GRM7: variants seen among roughly 807,000 people sequenced by gnomAD.
GRM7 encodes the protein metabotropic glutamate receptor 7.
GRM7 carries 35 observed loss-of-function variants against 84.5 expected under a neutral mutation model. The observed-to-expected ratio is 0.41, with a 90% CI of 0.32 to 0.55. GRM7 has a LOEUF of 0.55. Ranked by LOEUF, GRM7 falls within the 20% of genes least tolerant of loss-of-function variation. The probability of loss-of-function intolerance (pLI) is 0.19; values close to 1 mark genes in which losing one functional copy is unlikely to be tolerated. For missense variants in GRM7, 1,003 were observed against 1,194.6 expected (o/e 0.84, Z 2.36); for synonymous variants, 487 against 455.1 (o/e 1.07, Z -0.89).
intron 1 of GRM7, among the ~76,000 whole-genome samples, chr3:6,934,540 T>C (rs542748735): frequency 5.9e-5 from 9 of 152,234 alleles, no homozygotes; most frequent in African/African-American, 2.2e-4. Context: ...TTAGAATGAG[T>C]GTATATGAGT....
Position 7,348,432 on chromosome 3 carries a change from T to TC in GRM7, c.1033+41781dup, listed in dbSNP as rs1186153417. ...TCACCAGGAAAATTTCTTTTATTTT[T>TC]CTCTCAAGTACCAGTTAAATGCTCA... On this transcript the variant is annotated intron_variant, in intron 4 of 9. Transcript: ENST00000357716. Among the ~76,000 whole-genome samples the TC allele has an allele frequency of 4.6e-5, 7 of 152,294 alleles. No homozygotes were observed. In the East Asian group the frequency reaches 5.8e-4, roughly 13 times the overall value.
At position 7,316,651 on chromosome 3, in the gene GRM7, A is replaced by G. The variant is rs80335631; in HGVS notation, c.1033+9999A>G. Among the ~76,000 whole-genome samples the G allele has an allele frequency of 9.4e-3, 1,430 of 152,318 alleles. 24 individuals are homozygous for G. Among genetic ancestry groups the G allele is most frequent in the African/African-American group, 0.032 (1,332 of 41,568 alleles). On this transcript the variant is annotated intron_variant, in intron 4 of 9. Coordinates refer to ENST00000357716, the MANE Select transcript of GRM7 (RefSeq NM_000844.4). The stretch of plus-strand genomic sequence containing the variant: ...ATCAGCTGAGATGGAGAATACTATC[A>G]TTAGAGCAGGTTTTAAGGGAACAAA...
chr3:7,031,823 G>T (rs2124928308), intron 1 of GRM7, among the ~76,000 whole-genome samples: 1 of 152,098 alleles, frequency 6.6e-6, no homozygotes, highest in Middle Eastern at 3.4e-3. Context: ...CCACTGTGTA[G>T]CACAAGGCCA....
chr3:7,724,437 A>G (rs1702053950), intron 9 of GRM7, among the ~76,000 whole-genome samples: 1 of 152,154 alleles, frequency 6.6e-6, no homozygotes, highest in South Asian at 2.1e-4. Context: ...TATTTCCCAC[A>G]TTCAATAAGT....
intron 7 of GRM7, among the ~76,000 whole-genome samples, chr3:7,553,637 C>T (rs764270023): frequency 2.6e-5 from 4 of 152,068 alleles, no homozygotes; most frequent in Non-Finnish European, 4.4e-5. Flanking sequence ...CATAAGGTGT[C>T]AGAAAGGAAA....
intron 5 of GRM7, among the ~76,000 whole-genome samples, chr3:7,432,634 TA>T (rs71625343): frequency 0.34 from 49,054 of 145,532 alleles, 9,094 homozygotes; most frequent in Non-Finnish European, 0.45. Context: ...GCATCTAGTT[TA>T]AAAAAAAAAA....
At chr3:7,050,583 T>C (rs1042233576) in intron 1 of GRM7, among the ~76,000 whole-genome samples, 1 of 151,812 alleles carries the variant, frequency 6.6e-6, no homozygotes, top group African/African-American at 2.4e-5. Flanking sequence ...TGCTGAAAAA[T>C]AAATCCATGC....
At chr3:7,584,602 G>C (rs1176032934) in intron 8 of GRM7, among the ~76,000 whole-genome samples, 3 of 152,184 alleles carry the variant, frequency 2.0e-5, no homozygotes, top group Admixed American at 2.0e-4. Context: ...TTTTGAAATG[G>C]GAATTTTGGA....
intron 4 of GRM7, among the ~76,000 whole-genome samples, chr3:7,377,669 A>T (rs1021872050): frequency 1.3e-5 from 2 of 152,182 alleles, no homozygotes; most frequent in Non-Finnish European, 2.9e-5. Context: ...TCCTGCAGGG[A>T]TTGTTGGGCT....
intron 7 of GRM7, among the ~76,000 whole-genome samples, chr3:7,473,489 G>GGAGAGAGGGAGAGAGAGAGAGA: frequency 7.9e-6 from 1 of 126,502 alleles, no homozygotes; most frequent in African/African-American, 3.0e-5. Context: ...AAAACGAGAG[G>GGAGAGAGGGAGAGAGAGAGAGA]GAGAGAGAGA....
rs553919879 is a variant in GRM7, at chr3:6,995,658, A to G, written c.519+133751A>G. On this transcript the variant is annotated intron_variant, in intron 1 of 9. Coordinates refer to ENST00000357716, the MANE Select transcript of GRM7 (RefSeq NM_000844.4). ...CTGAATCATATCAAGAATCAAAGAA[A>G]TAATCACATAAAATTGAATTGGAAC... 3.3e-4 allele frequency among the ~76,000 whole-genome samples: 51 copies of G among 152,350 alleles called. No homozygotes were observed. In the South Asian group the frequency reaches 0.01, roughly 31 times the overall value.
chr3:7,208,652 G>T (rs1010247398), intron 2 of GRM7, among the ~76,000 whole-genome samples: 1 of 152,074 alleles, frequency 6.6e-6, no homozygotes, highest in Non-Finnish European at 1.5e-5. Flanking sequence ...GACTCTGTTG[G>T]GTCCTGTGGG....
chr3:7,057,573 A>G (rs888597493), intron 1 of GRM7, among the ~76,000 whole-genome samples: 16 of 152,128 alleles, frequency 1.1e-4, no homozygotes, highest in Non-Finnish European at 2.4e-4. Flanking sequence ...AATTGTGGCA[A>G]ATCATTGCGT....
At chr3:7,595,010 C>T (rs1447993260) in intron 8 of GRM7, among the ~76,000 whole-genome samples, 1 of 152,012 alleles carries the variant, frequency 6.6e-6, no homozygotes. Context: ...ATCCTATGTC[C>T]TCTTGTGCTT....
rs553743005 is a variant in GRM7, at chr3:7,289,324, C to T, written c.737-9360C>T. Among the ~76,000 whole-genome samples the T allele has an allele frequency of 5.3e-5, 8 of 152,184 alleles. No homozygotes were observed. In the South Asian group the frequency reaches 6.2e-4, roughly 12 times the overall value. On this transcript the variant is annotated intron_variant, in intron 2 of 9. Coordinates refer to ENST00000357716, the MANE Select transcript of GRM7 (RefSeq NM_000844.4). ...CCAAGATACCAGCTGTTGAAAAGAACGTGATGTTTCTTATTGGGATTTTGT... is the reference window on the plus strand; with the variant it reads ...CCAAGATACCAGCTGTTGAAAAGAATGTGATGTTTCTTATTGGGATTTTGT...
chr3:6,991,370 C>A (rs1048191420), intron 1 of GRM7, among the ~76,000 whole-genome samples: 1 of 152,136 alleles, frequency 6.6e-6, no homozygotes, highest in Non-Finnish European at 1.5e-5. Context: ...TGGACCTAAT[C>A]CCTAGAGCTA....
At chr3:7,248,860 C>G (rs1183977448) in intron 2 of GRM7, among the ~76,000 whole-genome samples, 1 of 152,078 alleles carries the variant, frequency 6.6e-6, no homozygotes, top group Non-Finnish European at 1.5e-5. Context: ...GTCACCAGTA[C>G]AGGTAGCTGC....
intron 1 of GRM7, among the ~76,000 whole-genome samples, chr3:7,068,847 T>C (rs148682200): frequency 0.013 from 1,930 of 152,066 alleles, 21 homozygotes; most frequent in Admixed American, 0.024. Flanking sequence ...TATTAAATTA[T>C]ATAACTAGAA....
At chr3:7,123,633 A>C (rs928836584) in intron 1 of GRM7, among the ~76,000 whole-genome samples, 1 of 152,084 alleles carries the variant, frequency 6.6e-6, no homozygotes, top group Non-Finnish European at 1.5e-5. Flanking sequence ...AAGAAAAAAA[A>C]AAAGTGGGAT....
Sources: allele counts gnomAD v4.1 joint callset (sites outside exome capture counted in the v4.1 genomes callset), GRCh38; gene constraint gnomAD v4.1.1; transcripts MANE v1.5; gene names NCBI Gene and HGNC (gene_info 2026-07-23, HGNC 2026-07-21).